Variants in SHROOM3 observed in about 807,000 individuals in gnomAD.
SHROOM3 encodes shroom family member 3, also known as protein Shroom3.
SHROOM3 carries 47 observed loss-of-function variants against 138.6 expected under a neutral mutation model. That is an observed-to-expected ratio of 0.34 (90% CI 0.27 to 0.43). The LOEUF (loss-of-function observed/expected upper bound fraction) is 0.43. SHROOM3 is among the 20% of genes least tolerant of loss of function. The pLI, the probability that SHROOM3 is intolerant of heterozygous loss-of-function variation, is 1.00. For synonymous variants in SHROOM3, 1,062 were observed against 1,063.3 expected (o/e 1.00, Z 0.02); for missense variants, 2,491 against 2,596.5 (o/e 0.96, Z 0.88).
At chr4:76,731,297 C>T (rs953977290) in intron 4 of SHROOM3, among the ~76,000 whole-genome samples, 1 of 152,128 alleles carries the variant, frequency 6.6e-6, no homozygotes, top group African/African-American at 2.4e-5. Flanking sequence ...AAACCGTATC[C>T]ATTTTTATTC....
rs149209053 is a variant in SHROOM3, at chr4:76,438,641, C to T, written c.168+2421C>T. 2.4e-3 allele frequency among the ~76,000 whole-genome samples: 373 copies of T among 152,272 alleles called. 2 individuals carry two copies. The highest frequency in any genetic ancestry group is 8.4e-3 in the African/African-American group (351 of 41,548). ...TGTCACCCAAGTTGAGTTCCGTGGT[C>T]TCCCTTCTACACTTCCATATTATGC... On this transcript the variant is annotated intron_variant, in intron 1 of 10. Transcript: ENST00000296043.
In SHROOM3 at chr4:76,436,062, A is replaced by T; in HGVS notation, c.10A>T (p.Thr4Ser). 3 of 1,613,906 alleles carry T rather than the reference A, an allele frequency of 1.9e-6. No individual in the cohort carries two copies. The highest frequency in any genetic ancestry group is 2.2e-5 in the South Asian group (2 of 91,050). MMR[T>S]TEDFHKPSAT... ...GGATCATGTGTTTGGCATGATGAGG[A>T]CCACTGAAGACTTCCACAAGCCTAG... The change falls in exon 1 of 11, where the codon ACC becomes TCC. Residue 4 changes from threonine to serine, a missense_variant. Physicochemically the swap from Thr to Ser is moderately conservative, Grantham distance 58. Around this residue, in one of 4 missense-constraint regions of SHROOM3, gnomAD observed 284 missense variants for 322.8 expected, o/e 0.88. Transcript: ENST00000296043.
chr4:76,688,147 G>C (rs908648805), intron 2 of SHROOM3, among the ~76,000 whole-genome samples: 1 of 152,202 alleles, frequency 6.6e-6, no homozygotes, highest in Non-Finnish European at 1.5e-5. Context: ...CCAATGCCTA[G>C]CAACAATGTT....
Position 76,739,335 on chromosome 4 carries a change from C to G in SHROOM3, c.1162C>G (p.Arg388Gly), listed in dbSNP as rs374883048. 6.2e-7 allele frequency: 1 copy of G among 1,613,940 alleles called. No individual in the cohort carries two copies. The highest frequency in any genetic ancestry group is 1.1e-5 in the South Asian group (1 of 91,064). ...GGTGGGTGCACCCCTGCCTCCAGCT[C>G]GGAGTGACAGTTACGCAGCATTTCG... ...PKVGAPLPPA[R>G]SDSYAAFRHR... The change falls in exon 5 of 11, where the codon CGG becomes GGG. Residue 388 changes from arginine (R) to glycine (G), a missense_variant. Physicochemically the swap from Arg to Gly is moderately radical, Grantham distance 125. This residue lies in a region of SHROOM3 where 1,733 missense variants were observed against 1,661.6 expected (regional missense o/e 1.04). Transcript: ENST00000296043.
At chr4:76,492,837 A>G (rs1228490787) in intron 1 of SHROOM3, among the ~76,000 whole-genome samples, 1 of 152,176 alleles carries the variant, frequency 6.6e-6, no homozygotes, top group Admixed American at 6.5e-5. Context: ...ACTCCTGCAG[A>G]CAGAGAGCAG....
intron 2 of SHROOM3, among the ~76,000 whole-genome samples, chr4:76,670,243 G>T (rs1718837852): frequency 6.6e-6 from 1 of 152,178 alleles, no homozygotes; most frequent in Admixed American, 6.5e-5. Flanking sequence ...CTACACAATA[G>T]AATACTATTC....
intron 1 of SHROOM3, among the ~76,000 whole-genome samples, chr4:76,449,987 T>G (rs1730893087): frequency 6.6e-6 from 1 of 152,148 alleles, no homozygotes; most frequent in Admixed American, 6.6e-5. Context: ...AAAATTGAGC[T>G]TGTATGTGTG....
chr4:76,563,473 G>A (rs891649694), intron 2 of SHROOM3, among the ~76,000 whole-genome samples: 1 of 152,202 alleles, frequency 6.6e-6, no homozygotes, highest in Non-Finnish European at 1.5e-5. Flanking sequence ...GTGGAAGGTT[G>A]AGCTCCAGGA....
At chr4:76,772,783 T>G (rs1473920362) in intron 10 of SHROOM3, among the ~76,000 whole-genome samples, 1 of 152,066 alleles carries the variant, frequency 6.6e-6, no homozygotes, top group Non-Finnish European at 1.5e-5. Context: ...AACTCACAAC[T>G]TATGGAGGAA....
rs766085816 is a variant in SHROOM3 at position 76,754,906 on chromosome 4, C to G, written c.4423C>G (p.Pro1475Ala). The G allele has an allele frequency of 1.2e-6, 2 of 1,614,196 alleles. No homozygotes were observed. The highest frequency in any genetic ancestry group is 1.7e-6 in the Non-Finnish European group (2 of 1,180,028). Residue 1475 changes from proline (P) to alanine (A), a missense_variant, in exon 7 of 11, where the codon CCT becomes GCT. Pro to Ala is a conservative substitution (Grantham distance 27). Transcript: ENST00000296043. ...SLCSTSDPDT[P>A]LGAPSTPGRI... ...ATGCAGCACTTCTGACCCAGACACA[C>G]CTCTTGGGGCCCCGAGCACTCCAGG...
chr4:76,542,645 C>T (rs1454282997), intron 1 of SHROOM3, among the ~76,000 whole-genome samples: 1 of 152,186 alleles, frequency 6.6e-6, no homozygotes, highest in Non-Finnish European at 1.5e-5. Flanking sequence ...GGAAAGGAAA[C>T]CAATTCTACC....
chr4:76,456,722 C>T (rs1032329130), intron 1 of SHROOM3, among the ~76,000 whole-genome samples: 4 of 152,104 alleles, frequency 2.6e-5, no homozygotes, highest in African/African-American at 9.7e-5. Flanking sequence ...CATGCGCGTC[C>T]GTGTAAAGAG....
chr4:76,530,689 C>G (rs1041397916), intron 1 of SHROOM3, among the ~76,000 whole-genome samples: 2 of 152,108 alleles, frequency 1.3e-5, no homozygotes, highest in Non-Finnish European at 2.9e-5. Context: ...GTTTTGTCTC[C>G]AGGTAAATGG....
intron 4 of SHROOM3, among the ~76,000 whole-genome samples, chr4:76,733,581 A>G (rs1490257106): frequency 6.6e-6 from 1 of 152,196 alleles, no homozygotes; most frequent in Non-Finnish European, 1.5e-5. Flanking sequence ...CTTGACCCCC[A>G]TGCTGAGTTC....
chr4:76,496,016 T>TCATA (rs1731961373), intron 1 of SHROOM3, among the ~76,000 whole-genome samples: 1 of 152,202 alleles, frequency 6.6e-6, no homozygotes, highest in African/African-American at 2.4e-5. Flanking sequence ...CCAAAGCTGT[T>TCATA]CATACAATGG....
rs568086518 is a variant in SHROOM3 at position 76,502,571 on chromosome 4, C to T, written c.169-53038C>T. On this transcript the variant is annotated intron_variant, in intron 1 of 10. Coordinates refer to ENST00000296043, the MANE Select transcript of SHROOM3 (RefSeq NM_020859.4). ...CACTGTAGAATCTGCCAGAGAATTG[C>T]TTGGTGTGTGGGGAAAACCCCCCAC... Among the ~76,000 whole-genome samples, 378 of 152,278 alleles carry T rather than the reference C, an allele frequency of 2.5e-3. 1 individual carries two copies. Among genetic ancestry groups the T allele is most frequent in the Non-Finnish European group, 4.2e-3 (284 of 68,020 alleles).
At chr4:76,526,181 A>G (rs1276968851) in intron 1 of SHROOM3, among the ~76,000 whole-genome samples, 2 of 152,164 alleles carry the variant, frequency 1.3e-5, no homozygotes, top group African/African-American at 4.8e-5. Context: ...AGCCTGGCCA[A>G]GATGGTGAAA....
chr4:76,775,962 T>C (rs541575957), intron 10 of SHROOM3, among the ~76,000 whole-genome samples: 76 of 152,012 alleles, frequency 5.0e-4, no homozygotes, highest in Non-Finnish European at 1.0e-3. Flanking sequence ...CTTTTCCATA[T>C]AATTACTTCT....
chr4:76,645,149 ATGAAGTGGCTTCC>A (rs1735785528), intron 2 of SHROOM3: 1 of 152,170 alleles, frequency 6.6e-6, no homozygotes, highest in African/African-American at 2.4e-5. Flanking sequence ...ACTAATTAAT[ATGAAGTGGCTTCC>A]ATAGCATTAT....
Sources: gnomAD v4.1 joint callset for allele counts (sites outside exome capture counted in the v4.1 genomes callset) on GRCh38, gnomAD v4.1.1 for gene constraint, gnomAD v4.1.1 regional missense constraint, MANE v1.5 for transcripts, NCBI Gene and HGNC (gene_info 2026-07-23, HGNC 2026-07-21) for gene names.